The following MEI4 variants were observed in gnomAD, a reference collection of about 807,000 sequenced individuals.
MEI4 encodes meiotic double-stranded break formation protein 4.
MEI4 carries 27 observed loss-of-function variants against 31.4 expected under a neutral mutation model. The ratio of observed to expected loss-of-function variants is 0.86; its 90% CI spans 0.63 to 1.19. MEI4 has a LOEUF of 1.19. Ranked by LOEUF, MEI4 falls within the 50% of genes most tolerant of loss-of-function variation. The pLI, the probability that MEI4 is intolerant of heterozygous loss-of-function variation, is 0.00. For synonymous variants in MEI4, 122 were observed against 145.4 expected, an observed-to-expected ratio of 0.84 and a Z score of 1.16; for missense variants, 329 against 398.9, an observed-to-expected ratio of 0.82 and a Z score of 1.49.
chr6:77,810,146 A>G (rs539862669), intron 3 of MEI4, among the ~76,000 whole-genome samples: 1 of 152,302 alleles, frequency 6.6e-6, no homozygotes, highest in South Asian at 2.1e-4. Context: ...GTGGAATCTC[A>G]TTAATGTCCA....
At chr6:77,775,103 CG>C (rs1768406022) in intron 3 of MEI4, among the ~76,000 whole-genome samples, 1 of 152,030 alleles carries the variant, frequency 6.6e-6, no homozygotes, top group African/African-American at 2.4e-5. Context: ...ATATTTGCGA[CG>C]GCATTTAGGG....
At chr6:77,791,480 A>G (rs1230356024) in intron 3 of MEI4, among the ~76,000 whole-genome samples, 3 of 139,378 alleles carry the variant, frequency 2.2e-5, no homozygotes, top group South Asian at 2.3e-4. Flanking sequence ...GAATTGAACA[A>G]TGAGATCACA....
intron 2 of MEI4, among the ~76,000 whole-genome samples, chr6:77,736,850 G>T (rs987194437): frequency 8.6e-6 from 1 of 116,882 alleles, no homozygotes; most frequent in Non-Finnish European, 1.7e-5. Flanking sequence ...TTGTCTTAGA[G>T]AACAGGACTT....
At chr6:77,836,340 A>G (rs1322158202) in intron 4 of MEI4, among the ~76,000 whole-genome samples, 2 of 152,168 alleles carry the variant, frequency 1.3e-5, no homozygotes, top group Non-Finnish European at 2.9e-5. Context: ...ATCTGAATTT[A>G]GAGTATTACA....
At chr6:77,875,982 A>G (rs941304043) in intron 4 of MEI4, among the ~76,000 whole-genome samples, 15 of 152,176 alleles carry the variant, frequency 9.9e-5, no homozygotes, top group Non-Finnish European at 1.9e-4. Context: ...ATATAAATCA[A>G]TACATAACTG....
chr6:77,746,762 T>C (rs1370463998), intron 2 of MEI4, among the ~76,000 whole-genome samples: 1 of 152,018 alleles, frequency 6.6e-6, no homozygotes, highest in Non-Finnish European at 1.5e-5. Context: ...GCTTTCACTG[T>C]ATGTGGAGGG....
chr6:77,796,408 A>C (rs1769075872), intron 3 of MEI4, among the ~76,000 whole-genome samples: 1 of 152,188 alleles, frequency 6.6e-6, no homozygotes, highest in African/African-American at 2.4e-5. Flanking sequence ...CAAATTTGAA[A>C]GGAAGAAGTT....
chr6:77,764,971 C>T (rs1008620866), intron 3 of MEI4, among the ~76,000 whole-genome samples: 2 of 152,096 alleles, frequency 1.3e-5, no homozygotes, highest in African/African-American at 4.8e-5. Context: ...GTAATAAGGA[C>T]ATTTATAAGG....
chr6:77,862,788 C>A (rs975469481), intron 4 of MEI4, among the ~76,000 whole-genome samples: 1 of 152,192 alleles, frequency 6.6e-6, no homozygotes, highest in African/African-American at 2.4e-5. Flanking sequence ...TCAAGTGGGT[C>A]CCTGACCCCC....
chr6:77,752,614 C>A (rs2127678497), intron 2 of MEI4, among the ~76,000 whole-genome samples: 1 of 152,238 alleles, frequency 6.6e-6, no homozygotes, highest in African/African-American at 2.4e-5. Flanking sequence ...AGAGAAGACA[C>A]AAACAAATAG....
intron 2 of MEI4, among the ~76,000 whole-genome samples, chr6:77,736,481 C>T (rs750739905): frequency 1.3e-4 from 20 of 152,074 alleles, no homozygotes; most frequent in African/African-American, 4.6e-4. Context: ...CAATGCCTCG[C>T]CCTGCTTCGG....
intron 3 of MEI4, among the ~76,000 whole-genome samples, chr6:77,804,200 G>A (rs752210995): frequency 9.2e-5 from 14 of 152,108 alleles, no homozygotes; most frequent in Non-Finnish European, 1.6e-4. Context: ...CCTCGCTACC[G>A]CCTTGCAGTT....
rs890214778 is a variant in MEI4, at chr6:77,851,526, C to T, written c.900+22464C>T. Among the ~76,000 whole-genome samples, 5 of 150,776 alleles carry T rather than the reference C, an allele frequency of 3.3e-5. No individual in the cohort carries two copies. In the East Asian group the frequency reaches 5.9e-4, roughly 18 times the overall value. On this transcript the variant is annotated intron_variant, in intron 4 of 4. Coordinates refer to ENST00000684080, the MANE Select transcript of MEI4 (RefSeq NM_001322247.2). ...GAAACCATCATTCTCAACAAACTAT[C>T]GCAAGGACAAAAAACCAAACACCGC...
chr6:77,735,754 T>A (rs1047744848), intron 2 of MEI4, among the ~76,000 whole-genome samples: 1 of 152,056 alleles, frequency 6.6e-6, no homozygotes, highest in Non-Finnish European at 1.5e-5. Context: ...TTTTTCCCCA[T>A]CTTTGTGGTT....
At chr6:77,735,550 A>C (rs914126338) in intron 2 of MEI4, among the ~76,000 whole-genome samples, 1 of 151,908 alleles carries the variant, frequency 6.6e-6, no homozygotes, top group Non-Finnish European at 1.5e-5. Context: ...TTTTTTTCAA[A>C]GTTTTCAACT....
rs538721867 is a variant in MEI4, at chr6:77,771,811, A to G, written c.768+10146A>G. 1.4e-3 allele frequency among the ~76,000 whole-genome samples: 212 copies of G among 152,090 alleles called. 1 individual carries two copies. The highest frequency in any genetic ancestry group is 4.5e-3 in the African/African-American group (186 of 41,542). On this transcript the variant is annotated intron_variant, in intron 3 of 4. Coordinates refer to ENST00000684080, the MANE Select transcript of MEI4 (RefSeq NM_001322247.2). ...ATGGTGGTTGGTAGGAGGAGGGAGA[A>G]GACTAGAAAAAATACCTATTGAGCA...
intron 4 of MEI4, among the ~76,000 whole-genome samples, chr6:77,838,810 G>A (rs1770285962): frequency 6.6e-6 from 1 of 151,928 alleles, no homozygotes; most frequent in Non-Finnish European, 1.5e-5. Context: ...GGCTGAGGTG[G>A]GAGAATCACT....
chr6:77,783,943 T>C (rs1027931996), intron 3 of MEI4, among the ~76,000 whole-genome samples: 16 of 152,132 alleles, frequency 1.1e-4, no homozygotes, highest in East Asian at 1.9e-4. Context: ...ATAGCAATTA[T>C]AGCAATTATA....
At chr6:77,656,370 A>C (rs186838661) in intron 1 of MEI4, among the ~76,000 whole-genome samples, 1 of 152,238 alleles carries the variant, frequency 6.6e-6, no homozygotes, top group Admixed American at 6.5e-5. Context: ...GCATATTTTA[A>C]AAATTCTCAA....
Sources: allele counts gnomAD v4.1 joint callset (sites outside exome capture counted in the v4.1 genomes callset), GRCh38; gene constraint gnomAD v4.1.1; transcripts MANE v1.5; gene names NCBI Gene and HGNC (gene_info 2026-07-23, HGNC 2026-07-21).